Variants in FHIT observed in about 807,000 individuals in gnomAD.
The protein encoded by FHIT is bis(5'-adenosyl)-triphosphatase.
FHIT carries 19 observed loss-of-function variants against 17.9 expected under a neutral mutation model. The ratio of observed to expected loss-of-function variants is 1.06; its 90% CI spans 0.74 to 1.56. The LOEUF (loss-of-function observed/expected upper bound fraction) is 1.56. Among genes scored for constraint, FHIT ranks in the 40% most tolerant of loss-of-function variants. The pLI, the probability that FHIT is intolerant of heterozygous loss-of-function variation, is 0.00. For missense variants in FHIT, 248 were observed against 189.2 expected (o/e 1.31, Z -1.82); for synonymous variants, 81 against 69.7 (o/e 1.16, Z -0.81).
intron 6 of FHIT, among the ~76,000 whole-genome samples, chr3:60,013,339 T>G (rs959889705): frequency 1.3e-5 from 2 of 152,302 alleles, no homozygotes; most frequent in Non-Finnish European, 1.5e-5. Flanking sequence ...CATGAAGGAC[T>G]TTATACATTG....
intron 4 of FHIT, among the ~76,000 whole-genome samples, chr3:60,544,200 G>C (rs575924339): frequency 6.6e-6 from 1 of 151,944 alleles, no homozygotes; most frequent in East Asian, 1.9e-4. Context: ...AAGTAACACA[G>C]GGATCCTTTT....
chr3:60,876,831 G>A (rs1273967751), intron 3 of FHIT, among the ~76,000 whole-genome samples: 1 of 152,092 alleles, frequency 6.6e-6, no homozygotes, highest in East Asian at 1.9e-4. Flanking sequence ...GAAGGAGAGT[G>A]CTAGAATACA....
At chr3:60,274,850 T>G (rs1003104011) in intron 5 of FHIT, among the ~76,000 whole-genome samples, 29 of 152,132 alleles carry the variant, frequency 1.9e-4, no homozygotes, top group African/African-American at 6.5e-4. Flanking sequence ...AAAACACTCA[T>G]GTCAGCAAAT....
At chr3:60,721,741 A>G (rs2107965072) in intron 4 of FHIT, among the ~76,000 whole-genome samples, 1 of 152,334 alleles carries the variant, frequency 6.6e-6, no homozygotes. Flanking sequence ...TGACAATTTT[A>G]CAATAAGTGG....
chr3:59,934,137 C>A (rs1448089015), intron 7 of FHIT, among the ~76,000 whole-genome samples: 2 of 152,118 alleles, frequency 1.3e-5, no homozygotes, highest in Admixed American at 1.3e-4. Context: ...ATGCCAGGCA[C>A]CATATGCCAG....
intron 4 of FHIT, among the ~76,000 whole-genome samples, chr3:60,607,739 A>T (rs996319307): frequency 6.6e-6 from 1 of 152,162 alleles, no homozygotes; most frequent in Admixed American, 6.6e-5. Context: ...TCACTAATTT[A>T]GGAAAACTTT....
intron 7 of FHIT, among the ~76,000 whole-genome samples, chr3:59,999,882 A>C (rs1177351312): frequency 1.3e-5 from 2 of 152,144 alleles, no homozygotes; most frequent in Non-Finnish European, 2.9e-5. Flanking sequence ...TGCTGGGATT[A>C]CAGGTGTGAG....
At chr3:60,120,845 A>AT (rs34059017) in intron 5 of FHIT, among the ~76,000 whole-genome samples, 67,855 of 149,548 alleles carry the variant, frequency 0.45, 15,575 homozygotes, top group Non-Finnish European at 0.49. Flanking sequence ...CAGCTAAGTG[A>AT]TTTTTTTTTT....
intron 8 of FHIT, among the ~76,000 whole-genome samples, chr3:59,772,965 G>A (rs978591156): frequency 3.3e-5 from 5 of 152,278 alleles, no homozygotes; most frequent in East Asian, 1.9e-4. Context: ...TAGGCTTTCC[G>A]GCTTGTGGCT....
At chr3:60,116,208 G>A (rs1704954111) in intron 5 of FHIT, among the ~76,000 whole-genome samples, 1 of 152,150 alleles carries the variant, frequency 6.6e-6, no homozygotes, top group South Asian at 2.1e-4. Flanking sequence ...AGAGACACAT[G>A]TTGGTACAAA....
At chr3:60,665,808 T>C (rs1553692325) in intron 4 of FHIT, among the ~76,000 whole-genome samples, 1 of 152,110 alleles carries the variant, frequency 6.6e-6, no homozygotes, top group East Asian at 1.9e-4. Context: ...CTATACCATT[T>C]CATTACTTGT....
intron 3 of FHIT, among the ~76,000 whole-genome samples, chr3:60,918,515 G>A (rs73838617): frequency 7.6e-4 from 116 of 152,306 alleles, no homozygotes; most frequent in African/African-American, 2.7e-3. Flanking sequence ...AAGCCAACAT[G>A]AGTAGGGCAG....
intron 4 of FHIT, among the ~76,000 whole-genome samples, chr3:60,779,268 G>A (rs1553725168): frequency 6.6e-6 from 1 of 152,144 alleles, no homozygotes; most frequent in Admixed American, 6.5e-5. Flanking sequence ...GTCATTAAAT[G>A]CTAAACTCAT....
chr3:60,797,024 A>G (rs561358250), intron 4 of FHIT, among the ~76,000 whole-genome samples: 223 of 152,286 alleles, frequency 1.5e-3, no homozygotes, highest in African/African-American at 5.1e-3. Context: ...ATTATTTGAT[A>G]TATTTTGAAC....
chr3:60,539,998 C>T (rs1478720499), intron 4 of FHIT, among the ~76,000 whole-genome samples: 2 of 150,320 alleles, frequency 1.3e-5, no homozygotes, highest in Admixed American at 1.3e-4. Context: ...AAAAGAAGAA[C>T]CAAAGCAGGA....
At chr3:61,197,385 T>C (rs2038881875) in intron 2 of FHIT, among the ~76,000 whole-genome samples, 1 of 152,196 alleles carries the variant, frequency 6.6e-6, no homozygotes, top group South Asian at 2.1e-4. Context: ...GAATGTTTCC[T>C]AATACCCCAG....
rs1700714061 is a variant in FHIT at position 59,748,426 on chromosome 3, A to ATCTT, written c.*1155_*1158dup. Among the ~76,000 whole-genome samples, 1 of 152,062 alleles carries ATCTT rather than the reference A, an allele frequency of 6.6e-6. No individual in the cohort carries two copies. Reference sequence around the variant, plus strand: ...AGGCAGGATTCAGCATGATCTGAGAATCTTGCAAGTAGAACCAAGTTGGTT... The same window carrying ATCTT: ...AGGCAGGATTCAGCATGATCTGAGAATCTTTCTTGCAAGTAGAACCAAGTTGGTT... On this transcript the variant is annotated 3_prime_UTR_variant, in exon 10 of 10. Transcript: ENST00000492590.
intron 1 of FHIT, among the ~76,000 whole-genome samples, chr3:61,232,047 T>C (rs2040118053): frequency 6.6e-6 from 1 of 152,196 alleles, no homozygotes; most frequent in South Asian, 2.1e-4. Flanking sequence ...CATTTGCCTT[T>C]AACAAATAAG....
At chr3:60,199,728 TAGAA>T (rs1702811156) in intron 5 of FHIT, among the ~76,000 whole-genome samples, 1 of 152,172 alleles carries the variant, frequency 6.6e-6, no homozygotes, top group South Asian at 2.1e-4. Context: ...ATAAGACTAT[TAGAA>T]AGATTTTTAT....
Sources: gnomAD v4.1 joint callset for allele counts (sites outside exome capture counted in the v4.1 genomes callset) on GRCh38, gnomAD v4.1.1 for gene constraint, MANE v1.5 for transcripts, NCBI Gene and HGNC (gene_info 2026-07-23, HGNC 2026-07-21) for gene names.